Variants in VAV1 observed in about 807,000 individuals in gnomAD.
VAV1 encodes the protein vav guanine nucleotide exchange factor 1.
VAV1 carries 33 observed loss-of-function variants against 128.1 expected under a neutral mutation model. The ratio of observed to expected loss-of-function variants is 0.26; its 90% CI spans 0.20 to 0.34. The LOEUF (loss-of-function observed/expected upper bound fraction) is 0.34. Among genes scored for constraint, VAV1 ranks in the 10% least tolerant of loss-of-function variants. The probability of loss-of-function intolerance (pLI) is 1.00; values close to 1 mark genes in which losing one functional copy is unlikely to be tolerated. For synonymous variants in VAV1, 394 were observed against 409.8 expected (o/e 0.96, Z 0.47); for missense variants, 715 against 1,093.7 (o/e 0.65, Z 4.88).
Position 6,833,600 on chromosome 19 carries a change from C to G in VAV1, c.1683C>G (p.Val561=), listed in dbSNP as rs760544100. 3 of 1,613,768 alleles carry G rather than the reference C, an allele frequency of 1.9e-6. No homozygotes were observed. The highest frequency in any genetic ancestry group is 1.7e-6 in the Non-Finnish European group (2 of 1,179,796). ...CACACAAGGAGTGTCTGGGGAGGGT[C>G]CCTCCATGTGGCCGACATGGGCAAG... ...ASAHKECLGR[V]PPCGRHGQDF... The change falls in exon 17 of 27, where the codon GTC becomes GTG. Residue 561 remains valine, a synonymous_variant. Coordinates refer to ENST00000602142, the MANE Select transcript of VAV1 (RefSeq NM_005428.4).
chr19:6,785,129 C>T (rs934265446), intron 1 of VAV1, among the ~76,000 whole-genome samples: 1 of 152,142 alleles, frequency 6.6e-6, no homozygotes, highest in Non-Finnish European at 1.5e-5. Flanking sequence ...CAGGTATACA[C>T]GGTGAGTGTT....
chr19:6,787,573 GATTTATTTATTT>G (rs74174839), intron 1 of VAV1, among the ~76,000 whole-genome samples: 105 of 147,196 alleles, frequency 7.1e-4, no homozygotes, highest in East Asian at 4.3e-3. Context: ...AACTACTCCA[GATTTATTTATTT>G]ATTTATTTAT....
At position 6,857,339 on chromosome 19, in the gene VAV1, T is replaced by C. The variant is rs1972826560; in HGVS notation, c.*232T>C. The C allele has an allele frequency of 3.6e-6, 2 of 553,662 alleles. No individual in the cohort carries two copies. Among genetic ancestry groups the C allele is most frequent in the South Asian group, 4.2e-5 (2 of 47,168 alleles). The allele number at this position is 553,662 out of a possible 1,614,324, so 34.3% of individuals were successfully genotyped here. A position where few individuals can be genotyped will look rare whatever the true frequency, so the allele number is the denominator to read the frequency against. ...GCAGACGGGGCTCAAGGGGGTTACATTTAATAAAAGGATGAAGATGGATAG... is the reference window on the plus strand; with the variant it reads ...GCAGACGGGGCTCAAGGGGGTTACACTTAATAAAAGGATGAAGATGGATAG... On this transcript the variant is annotated 3_prime_UTR_variant, in exon 27 of 27. Transcript: ENST00000602142.
intron 1 of VAV1, among the ~76,000 whole-genome samples, chr19:6,781,043 G>A (rs1166280482): frequency 6.6e-6 from 1 of 151,350 alleles, no homozygotes; most frequent in Non-Finnish European, 1.5e-5. Flanking sequence ...TGAGCAGCTG[G>A]GACTACAGAT....
intron 1 of VAV1, among the ~76,000 whole-genome samples, chr19:6,807,734 T>G (rs947952472): frequency 6.6e-6 from 1 of 151,920 alleles, no homozygotes; most frequent in African/African-American, 2.4e-5. Flanking sequence ...AAATCACTCC[T>G]GTAATCCCAG....
chr19:6,780,046 G>C (rs890819626), intron 1 of VAV1, among the ~76,000 whole-genome samples: 3 of 148,172 alleles, frequency 2.0e-5, no homozygotes, highest in Non-Finnish European at 4.5e-5. Context: ...GGGAGGCGGA[G>C]CTTGCAGTGA....
At chr19:6,843,502 C>T (rs1241530805) in intron 22 of VAV1, among the ~76,000 whole-genome samples, 1 of 152,082 alleles carries the variant, frequency 6.6e-6, no homozygotes, top group African/African-American at 2.4e-5. Context: ...GTTTGTTTTG[C>T]ACCTATAGCA....
Position 6,828,560 on chromosome 19 carries a change from G to A in VAV1, c.1093-62G>A, listed in dbSNP as rs146449404. On this transcript the variant is annotated intron_variant, in intron 11 of 26. Transcript: ENST00000602142. This position sits in a 1 kb window ranked among gnomAD's most constrained non-coding sequence, Gnocchi z 4.5. ...CTGGTAGGGGCTGATCCTCTAGCCG[G>A]GATTAGGTAGGAGCCTGGGTCGGCT... is the stretch of plus-strand genomic sequence containing the variant. 2.4e-4 allele frequency: 395 copies of A among 1,613,678 alleles called. 2 individuals carry two copies. The East Asian group carries it at 5.7e-3, about 23-fold the overall frequency.
chr19:6,799,666 T>TGAC (rs1745141908), intron 1 of VAV1, among the ~76,000 whole-genome samples: 6 of 151,760 alleles, frequency 4.0e-5, no homozygotes, highest in Non-Finnish European at 7.4e-5. Flanking sequence ...GAATTACTGA[T>TGAC]GGCACTTTTG....
At chr19:6,788,954 G>A (rs1970953681) in intron 1 of VAV1, among the ~76,000 whole-genome samples, 1 of 152,196 alleles carries the variant, frequency 6.6e-6, no homozygotes, top group African/African-American at 2.4e-5. Context: ...TGACATGTGG[G>A]GCCGGATCAT....
At chr19:6,847,655 C>A (rs751648659) in intron 22 of VAV1, among the ~76,000 whole-genome samples, 3 of 152,068 alleles carry the variant, frequency 2.0e-5, no homozygotes, top group Non-Finnish European at 2.9e-5. Flanking sequence ...TACTTCTGTC[C>A]GGGTGACCAC....
At chr19:6,821,555 G>A in intron 2 of VAV1, 67 bp from the exon 3 acceptor site, 2 of 1,594,672 alleles carry the variant, frequency 1.3e-6, no homozygotes, top group Admixed American at 1.7e-5. Context: ...GAGCCTTGCA[G>A]CTGGAAGCTG....
chr19:6,820,922 A>C lies in VAV1; in HGVS notation c.321+104A>C. 1 of 1,092,598 alleles carries C rather than the reference A, an allele frequency of 9.2e-7. No homozygotes were observed. Among genetic ancestry groups the C allele is most frequent in the South Asian group, 1.3e-5 (1 of 76,580 alleles). 67.7% of individuals were successfully genotyped at this position (1,092,598 alleles called of 1,614,324 possible). A position where few individuals can be genotyped will look rare whatever the true frequency, so the allele number is the denominator to read the frequency against. On this transcript the variant is annotated intron_variant, in intron 2 of 26. Coordinates refer to ENST00000602142, the MANE Select transcript of VAV1 (RefSeq NM_005428.4). The surrounding 1 kb of genome is among the most constrained non-coding windows in gnomAD (Gnocchi z 4.4). ...GTCAGGGGACAGGCAGACAAGCCAGACCAGGCCATATACAAGACGCAAATA... is the reference window on the plus strand; with the variant it reads ...GTCAGGGGACAGGCAGACAAGCCAGCCCAGGCCATATACAAGACGCAAATA...
At chr19:6,783,387 C>T (rs77953293) in intron 1 of VAV1, among the ~76,000 whole-genome samples, 2,192 of 151,690 alleles carry the variant, frequency 0.014, 54 homozygotes, top group African/African-American at 0.05. Context: ...TCCCGAAGGC[C>T]CTTGGAGTCT....
intron 1 of VAV1, among the ~76,000 whole-genome samples, chr19:6,797,333 T>G (rs537109761): frequency 6.6e-6 from 1 of 152,138 alleles, no homozygotes; most frequent in South Asian, 2.1e-4. Flanking sequence ...TTTACCCCCT[T>G]CACACTCTAA....
intron 1 of VAV1, among the ~76,000 whole-genome samples, chr19:6,792,239 TCC>T (rs2144715288): frequency 6.6e-6 from 1 of 151,968 alleles, no homozygotes; most frequent in South Asian, 2.1e-4. Flanking sequence ...GATGAAGGCA[TCC>T]CCATGAGAAG....
intron 21 of VAV1, 126 bp from the exon 22 acceptor site, chr19:6,843,009 G>A (rs978797048): frequency 2.9e-6 from 3 of 1,023,414 alleles, no homozygotes; most frequent in Admixed American, 1.8e-5. Flanking sequence ...CACAGTGCCT[G>A]GCACATAATA....
At chr19:6,829,592 T>G (rs1452718736) in intron 13 of VAV1, among the ~76,000 whole-genome samples, 194 bp from the exon 14 acceptor site, 1 of 151,658 alleles carries the variant, frequency 6.6e-6, no homozygotes, top group Non-Finnish European at 1.5e-5. Context: ...GGGGTATGGG[T>G]GGAGCGAAGA....
intron 1 of VAV1, among the ~76,000 whole-genome samples, chr19:6,814,784 G>A (rs945225531): frequency 4.0e-5 from 6 of 148,516 alleles, no homozygotes; most frequent in African/African-American, 1.5e-4. Flanking sequence ...TCAATACAAT[G>A]TTGAATAGAA....
Sources: gnomAD v4.1 joint callset for allele counts (sites outside exome capture counted in the v4.1 genomes callset) on GRCh38, gnomAD v4.1.1 for gene constraint, Gnocchi (gnomAD v3.1) non-coding constraint, MANE v1.5 for transcripts, NCBI Gene and HGNC (gene_info 2026-07-23, HGNC 2026-07-21) for gene names.